The following CCDC7 variants were observed in gnomAD, a reference collection of about 807,000 sequenced individuals.
CCDC7 encodes coiled-coil domain-containing protein 7.
Under a neutral mutation model 196.9 loss-of-function variants are expected in CCDC7, and 183 were observed. The ratio of observed to expected loss-of-function variants is 0.93; its 90% CI spans 0.82 to 1.05. The LOEUF is 1.05. Among genes scored for constraint, CCDC7 ranks in the 50% least tolerant of loss-of-function variants. The pLI is 0.00. For missense variants in CCDC7, 1,540 were observed against 1,482.2 expected, an observed-to-expected ratio of 1.04 and a Z score of -0.64; for synonymous variants, 525 against 484.6, an observed-to-expected ratio of 1.08 and a Z score of -1.10.
chr10:32,726,805 AT>A lies in CCDC7; in HGVS notation c.2642del (p.Ile881LysfsTer13), dbSNP rs1488371213. On this transcript the variant is annotated frameshift_variant, in exon 26 of 42. Transcript: ENST00000639629. LOFTEE classifies it high-confidence loss of function. Reference sequence around the variant, plus strand: ...ACTCCAAATGCAAGAAAAGAAAAAAATAACTCCTGGAAGGGAAAGGCGTAAT... The same window carrying A: ...ACTCCAAATGCAAGAAAAGAAAAAAAAACTCCTGGAAGGGAAAGGCGTAAT... 1 of 1,598,396 alleles carries A rather than the reference AT, an allele frequency of 6.3e-7. No homozygotes were observed. The highest frequency in any genetic ancestry group is 1.3e-5 in the African/African-American group (1 of 74,504).
chr10:32,481,412 T>G (rs905517921), intron 8 of CCDC7, among the ~76,000 whole-genome samples: 3 of 152,208 alleles, frequency 2.0e-5, no homozygotes, highest in Non-Finnish European at 4.4e-5. Context: ...TCCTTTGTGA[T>G]TTGTTGATAT....
intron 32 of CCDC7, among the ~76,000 whole-genome samples, chr10:32,825,534 A>ATATATC (rs572873773): frequency 3.3e-5 from 5 of 152,138 alleles, no homozygotes; most frequent in African/African-American, 9.7e-5. Flanking sequence ...GTATCTATCT[A>ATATATC]TATATCTATA....
chr10:32,544,408 G>C (rs2052065510), intron 13 of CCDC7, 107 bp downstream of exon 14: 3 of 1,103,976 alleles, frequency 2.7e-6, no homozygotes, highest in South Asian at 4.7e-5. Context: ...ATATATGTCT[G>C]TGTGTGTGTA....
At chr10:32,702,970 A>G (rs949341925) in intron 24 of CCDC7, among the ~76,000 whole-genome samples, 3 of 152,076 alleles carry the variant, frequency 2.0e-5, no homozygotes, top group African/African-American at 7.2e-5. Context: ...TCTTTATCCA[A>G]TTTGCCAGTC....
chr10:32,741,599 C>T (rs948154110), intron 28 of CCDC7, among the ~76,000 whole-genome samples: 3 of 152,140 alleles, frequency 2.0e-5, no homozygotes, highest in African/African-American at 7.2e-5. Context: ...GGAAAAAAAG[C>T]CACGTATGAG....
intron 24 of CCDC7, among the ~76,000 whole-genome samples, chr10:32,701,564 A>G (rs971787201): frequency 5.3e-5 from 8 of 152,024 alleles, no homozygotes; most frequent in African/African-American, 1.9e-4. Context: ...CTCTTTTTCT[A>G]TTGATTGGAA....
At chr10:32,521,008 T>C (rs1232718773) in intron 11 of CCDC7, among the ~76,000 whole-genome samples, 1 of 152,172 alleles carries the variant, frequency 6.6e-6, no homozygotes, top group Non-Finnish European at 1.5e-5. Context: ...CTTGGCACCT[T>C]TCTTGAAAAT....
At chr10:32,682,843 T>G (rs1433596060) in intron 21 of CCDC7, among the ~76,000 whole-genome samples, 1 of 152,140 alleles carries the variant, frequency 6.6e-6, no homozygotes, top group Non-Finnish European at 1.5e-5. Context: ...ATGGGGTTCT[T>G]TGGTTTTTGC....
At chr10:32,562,871 A>G (rs1467346373) in intron 13 of CCDC7, among the ~76,000 whole-genome samples, 1 of 152,174 alleles carries the variant, frequency 6.6e-6, no homozygotes, top group Non-Finnish European at 1.5e-5. Flanking sequence ...CCCTGTTTGC[A>G]GATGACATGA....
At chr10:32,659,253 A>G (rs377456211) in intron 20 of CCDC7, among the ~76,000 whole-genome samples, 9 of 152,008 alleles carry the variant, frequency 5.9e-5, no homozygotes, top group Non-Finnish European at 1.2e-4. Flanking sequence ...TTATCTTGAG[A>G]TATTTTTGAT....
At chr10:32,874,078 A>G (rs1468603904) in intron 41 of CCDC7, among the ~76,000 whole-genome samples, 1 of 151,174 alleles carries the variant, frequency 6.6e-6, no homozygotes, top group Non-Finnish European at 1.5e-5. Context: ...AGCATTTTGT[A>G]TAACATAAAG....
chr10:32,446,285 C>T (rs1013303238), exon 1 of CCDC7: 1 of 152,264 alleles, frequency 6.6e-6, no homozygotes, highest in Non-Finnish European at 1.5e-5. Context: ...GCTTCCGTCT[C>T]GAAGGAAGTC....
At chr10:32,658,939 A>G (rs1044686181) in intron 20 of CCDC7, among the ~76,000 whole-genome samples, 1 of 151,940 alleles carries the variant, frequency 6.6e-6, no homozygotes, top group Non-Finnish European at 1.5e-5. Context: ...TCTTTTTTGT[A>G]TAGCTAAAAT....
At chr10:32,515,504 G>C (rs532435237) in intron 9 of CCDC7, among the ~76,000 whole-genome samples, 16 of 152,184 alleles carry the variant, frequency 1.1e-4, no homozygotes, top group African/African-American at 3.9e-4. Flanking sequence ...TGGGCAGCTG[G>C]TTATCCCCAT....
rs563838239 is a variant in CCDC7, at chr10:32,779,200, T to C, written c.3013+116T>C. 1.1e-5 allele frequency: 8 copies of C among 738,836 alleles called. No individual in the cohort carries two copies. In the South Asian group the frequency reaches 1.8e-4, roughly 17 times the overall value. 45.8% of individuals were successfully genotyped at this position (738,836 alleles called of 1,614,324 possible). A position where few individuals can be genotyped will look rare whatever the true frequency, so the allele number is the denominator to read the frequency against. On this transcript the variant is annotated intron_variant, in intron 29 of 41. Transcript: ENST00000639629. ...CAAAGAAGGAGTAGTCTTTCTCAAC[T>C]TAAGTTCATTCTACTCAATCAATCT...
chr10:32,771,264 G>A lies in CCDC7; in HGVS notation c.2906-7713G>A, dbSNP rs190400315. ...TAATATTTCTTATAGGGCTGATTTGGTAGTGACAAATTTCCTCAGCATTTG... is the reference window on the plus strand; with the variant it reads ...TAATATTTCTTATAGGGCTGATTTGATAGTGACAAATTTCCTCAGCATTTG... On this transcript the variant is annotated intron_variant, in intron 28 of 41. Transcript: ENST00000639629. 3.4e-4 allele frequency among the ~76,000 whole-genome samples: 51 copies of A among 152,204 alleles called. No individual in the cohort carries two copies. In the East Asian group the frequency reaches 9.7e-3, roughly 29 times the overall value.
chr10:32,789,390 A>G (rs145427885), intron 29 of CCDC7, among the ~76,000 whole-genome samples: 7 of 152,262 alleles, frequency 4.6e-5, no homozygotes, highest in African/African-American at 9.6e-5. Context: ...AGAGATAGAA[A>G]TCATACAAAA....
At position 32,571,902 on chromosome 10, in the gene CCDC7, C is replaced by G; in HGVS notation, c.1454+9C>G. 6.4e-7 allele frequency: 1 copy of G among 1,566,866 alleles called. No homozygotes were observed. Among genetic ancestry groups the G allele is most frequent in the Non-Finnish European group, 8.6e-7 (1 of 1,159,720 alleles). ...AGACTGATTGAAAAGAGGTAAAACA[C>G]TTTTTAAAAATTTGTTCCCTCATTT... On this transcript the variant is annotated intron_variant, in intron 16 of 41. Coordinates refer to ENST00000639629, the Ensembl canonical transcript of CCDC7.
chr10:32,676,305 C>A (rs1251365457), intron 21 of CCDC7, among the ~76,000 whole-genome samples: 2 of 151,688 alleles, frequency 1.3e-5, no homozygotes, highest in Non-Finnish European at 2.9e-5. Context: ...AGGACATAGG[C>A]ATGGGCACGG....
Sources: allele counts gnomAD v4.1 joint callset (sites outside exome capture counted in the v4.1 genomes callset), GRCh38; gene constraint gnomAD v4.1.1; transcripts MANE v1.5; gene names NCBI Gene and HGNC (gene_info 2026-07-23, HGNC 2026-07-21).